SLC14A1: variants seen among roughly 807,000 people sequenced by gnomAD.
The protein encoded by SLC14A1 is solute carrier family 14 member 1 (Kidd blood group), also known as urea transporter 1.
A neutral mutation model predicts 39.6 loss-of-function variants in SLC14A1; 36 were observed. That is an observed-to-expected ratio of 0.91 (90% CI 0.70 to 1.20). SLC14A1 has a LOEUF of 1.20. Among genes scored for constraint, SLC14A1 ranks in the 50% most tolerant of loss-of-function variants. The pLI, the probability that SLC14A1 is intolerant of heterozygous loss-of-function variation, is 0.00. For synonymous variants in SLC14A1, 164 were observed against 173.6 expected (o/e 0.94, Z 0.43); for missense variants, 469 against 478.7 (o/e 0.98, Z 0.19).
At position 45,749,775 on chromosome 18, in the gene SLC14A1, C is replaced by T. The variant is rs749653174; in HGVS notation, c.997-3C>T. On this transcript the variant is annotated splice_region_variant and splice_polypyrimidine_tract_variant and intron_variant, in intron 9 of 9. Coordinates refer to ENST00000321925, the MANE Select transcript of SLC14A1 (RefSeq NM_015865.7). ...GAGCGTGTGGCTTTCTCTTCTTCCC[C>T]AGGTTGGATTGCCAGCTTGTACCTG... 6.2e-7 allele frequency: 1 copy of T among 1,614,188 alleles called. No individual in the cohort carries two copies. Among genetic ancestry groups the T allele is most frequent in the South Asian group, 1.1e-5 (1 of 91,082 alleles).
intron 8 of SLC14A1, among the ~76,000 whole-genome samples, chr18:45,748,167 T>C (rs918674191): frequency 6.6e-6 from 1 of 152,190 alleles, no homozygotes; most frequent in Non-Finnish European, 1.5e-5. Flanking sequence ...ACTTCCATTG[T>C]ACAGGTGAGG....
intron 8 of SLC14A1, among the ~76,000 whole-genome samples, chr18:45,742,494 G>C (rs2047411317): frequency 6.6e-6 from 1 of 151,316 alleles, no homozygotes; most frequent in South Asian, 2.1e-4. Flanking sequence ...CAAGTAGCTG[G>C]GCTTACAGGC....
intron 8 of SLC14A1, among the ~76,000 whole-genome samples, chr18:45,742,352 G>GGT (rs1555648945): frequency 1.6e-3 from 169 of 104,978 alleles, no homozygotes; most frequent in African/African-American, 6.7e-3. Context: ...TTTGTTTTTT[G>GGT]GTTTTTTTTT....
At chr18:45,730,884 G>A in intron 3 of SLC14A1, 131 bp from the exon 4 acceptor site, 1 of 833,154 alleles carries the variant, frequency 1.2e-6, no homozygotes, top group Non-Finnish European at 2.0e-6. Context: ...TGGGTTGAGA[G>A]AGAAATATTA....
At chr18:45,739,763 T>C in intron 8 of SLC14A1, 101 bp downstream of exon 8, 4 of 1,536,352 alleles carry the variant, frequency 2.6e-6, no homozygotes, top group Admixed American at 1.7e-5. Flanking sequence ...AGGGCCAGGG[T>C]TCTGGCTTGA....
intron 4 of SLC14A1, 39 bp from the exon 5 acceptor site, chr18:45,734,235 C>A (rs775601456): frequency 1.2e-6 from 2 of 1,613,632 alleles, no homozygotes; most frequent in Non-Finnish European, 1.7e-6. Flanking sequence ...AACCAAAGCT[C>A]ACCCAGGAAA....
chr18:45,729,077 T>C, intron 2 of SLC14A1: 1 of 152,318 alleles, frequency 6.6e-6, no homozygotes, highest in Admixed American at 6.5e-5. Flanking sequence ...GAAATATCCA[T>C]GAGGACCATT....
At chr18:45,742,683 G>T (rs2047420000) in intron 8 of SLC14A1, among the ~76,000 whole-genome samples, 1 of 148,916 alleles carries the variant, frequency 6.7e-6, no homozygotes, top group Non-Finnish European at 1.5e-5. Flanking sequence ...GTTTTATGTT[G>T]TTGTTGTTGT....
In SLC14A1 at chr18:45,749,829, C is replaced by T; in HGVS notation, c.1048C>T (p.Leu350Phe). Reference sequence around the variant, plus strand: ...CTTCTGTTTGGCCACGCTATTGTTCCTCATCATGACCACAAAAAATTCCAA... The same window carrying T: ...CTTCTGTTTGGCCACGCTATTGTTCTTCATCATGACCACAAAAAATTCCAA... ...WPFCLATLLF[L>F]IMTTKNSNIY... The change falls in exon 10 of 10, where the codon CTC (leucine) becomes TTC (phenylalanine). Residue 350 changes from leucine (L) to phenylalanine (F), a missense_variant. Leu to Phe is a conservative substitution (Grantham distance 22). Coordinates refer to ENST00000321925, the MANE Select transcript of SLC14A1 (RefSeq NM_015865.7). 1 of 1,614,164 alleles carries T rather than the reference C, an allele frequency of 6.2e-7. No homozygotes were observed. The highest frequency in any genetic ancestry group is 8.5e-7 in the Non-Finnish European group (1 of 1,180,028).
chr18:45,751,542 T>C lies in SLC14A1; in HGVS notation c.*1591T>C. 1 of 979,924 alleles carries C rather than the reference T, an allele frequency of 1.0e-6. No individual in the cohort carries two copies. The highest frequency in any genetic ancestry group is 4.7e-5 in the South Asian group (1 of 21,152). 60.7% of individuals were successfully genotyped at this position (979,924 alleles called of 1,614,324 possible). The stretch of plus-strand genomic sequence containing the variant: ...CCTGTAATCCCAGCACTTTGGGAGA[T>C]GGAGGTAAAAGGATCTCTTGAGCCC... On this transcript the variant is annotated 3_prime_UTR_variant, in exon 10 of 10. Coordinates refer to ENST00000321925, the MANE Select transcript of SLC14A1 (RefSeq NM_015865.7).
chr18:45,749,911 A>G lies in SLC14A1; in HGVS notation c.1130A>G (p.Tyr377Cys). 6.2e-7 allele frequency: 1 copy of G among 1,614,168 alleles called. No individual in the cohort carries two copies. The highest frequency in any genetic ancestry group is 8.5e-7 in the Non-Finnish European group (1 of 1,180,022). The change falls in exon 10 of 10, where the codon TAC (tyrosine) becomes TGC (cysteine). Residue 377 changes from tyrosine (Y) to cysteine (C), a missense_variant. Coordinates refer to ENST00000321925, the MANE Select transcript of SLC14A1 (RefSeq NM_015865.7). ...VTYPEENRIF[Y>C]LQAKKRMVES... ...TATCCTGAAGAAAACCGCATCTTCT[A>G]CCTGCAAGCCAAGAAAAGAATGGTG... is the stretch of plus-strand genomic sequence containing the variant.
Position 45,736,557 on chromosome 18 carries a change from C to T in SLC14A1, c.572C>T (p.Thr191Ile). 1 of 1,614,154 alleles carries T rather than the reference C, an allele frequency of 6.2e-7. No individual in the cohort carries two copies. Among genetic ancestry groups the T allele is most frequent in the African/African-American group, 1.3e-5 (1 of 75,072 alleles). Residue 191 changes from threonine to isoleucine, a missense_variant, in exon 6 of 10, where the codon ACA (threonine) becomes ATA (isoleucine). Physicochemically the swap from Thr to Ile is moderately conservative, Grantham distance 89. Transcript: ENST00000321925. ...GCGTTGTCAATGTACCTTTCAGCCACAGGACATTACAATCCATTCTTTCCA... is the reference window on the plus strand; with the variant it reads ...GCGTTGTCAATGTACCTTTCAGCCATAGGACATTACAATCCATTCTTTCCA... ...NMALSMYLSA[T>I]GHYNPFFPAK...
chr18:45,738,325 C>G (rs1170304624), intron 6 of SLC14A1, among the ~76,000 whole-genome samples: 1 of 152,162 alleles, frequency 6.6e-6, no homozygotes, highest in Non-Finnish European at 1.5e-5. Flanking sequence ...TGGCCTTGCT[C>G]AAAAGGGACA....
At chr18:45,741,553 T>C (rs1016059226) in intron 8 of SLC14A1, among the ~76,000 whole-genome samples, 2 of 151,952 alleles carry the variant, frequency 1.3e-5, no homozygotes, top group Non-Finnish European at 1.5e-5. Context: ...TCCATTTTGA[T>C]TCGATGCTAT....
At chr18:45,734,096 T>C (rs1271523624) in intron 4 of SLC14A1, 178 bp from the exon 5 acceptor site, 10 of 738,762 alleles carry the variant, frequency 1.4e-5, no homozygotes, top group East Asian at 1.2e-4. Context: ...TCTATGTATA[T>C]TTCACTTCAT....
chr18:45,730,823 G>A (rs543411525), intron 3 of SLC14A1, among the ~76,000 whole-genome samples, 192 bp from the exon 4 acceptor site: 1 of 152,298 alleles, frequency 6.6e-6, no homozygotes, highest in African/African-American at 2.4e-5. Context: ...TGTGGGTTGA[G>A]CATACAGTAG....
chr18:45,731,134 T>C lies in SLC14A1; in HGVS notation c.271T>C (p.Trp91Arg). The C allele has an allele frequency of 6.2e-7, 1 of 1,614,184 alleles. No individual in the cohort carries two copies. The highest frequency in any genetic ancestry group is 1.7e-5 in the Admixed American group (1 of 60,018). The change falls in exon 4 of 10, where the codon TGG (tryptophan) becomes CGG (arginine). Residue 91 changes from tryptophan to arginine, a missense_variant. Transcript: ENST00000321925. ...ILVGLLVQNP[W>R]WALTGWLGTV... ...GGTAGGACTTCTTGTTCAGAACCCC[T>C]GGTGGGCTCTCACTGGCTGGCTGGG...
At chr18:45,744,830 A>T (rs540640802) in intron 8 of SLC14A1, among the ~76,000 whole-genome samples, 1 of 152,204 alleles carries the variant, frequency 6.6e-6, no homozygotes, top group East Asian at 1.9e-4. Flanking sequence ...CTTTTTCTTA[A>T]TATTTTCCAT....
chr18:45,742,546 GAC>G (rs2047412830), intron 8 of SLC14A1, among the ~76,000 whole-genome samples: 1 of 151,708 alleles, frequency 6.6e-6, no homozygotes, highest in African/African-American at 2.4e-5. Context: ...TTTTAGTAGA[GAC>G]GGGGTTTCAC....
Sources: allele counts gnomAD v4.1 joint callset (sites outside exome capture counted in the v4.1 genomes callset), GRCh38; gene constraint gnomAD v4.1.1; transcripts MANE v1.5; gene names NCBI Gene and HGNC (gene_info 2026-07-23, HGNC 2026-07-21).